NXPE2: variants seen among roughly 807,000 people sequenced by gnomAD.
NXPE2 encodes the protein NXPE family member 2.
Under a neutral mutation model 34.4 loss-of-function variants are expected in NXPE2, and 34 were observed. The ratio of observed to expected loss-of-function variants is 0.99; its 90% confidence interval spans 0.75 to 1.31. The LOEUF is 1.31. Ranked by LOEUF, NXPE2 falls within the 40% of genes most tolerant of loss-of-function variation. NXPE2 has a pLI of 0.00. For missense variants in NXPE2, 649 were observed against 672.5 expected (o/e 0.97, Z 0.39); for synonymous variants, 235 against 231.3 (o/e 1.02, Z -0.15).
At chr11:114,620,869 G>C in the NXPE2 span, among the ~76,000 whole-genome samples, 1 of 152,162 alleles carries the variant, frequency 6.6e-6, no homozygotes, top group Non-Finnish European at 1.5e-5. Flanking sequence ...TTACCCGATG[G>C]ATAATAAGTA....
the NXPE2 span, among the ~76,000 whole-genome samples, chr11:114,597,713 C>T: frequency 6.6e-6 from 1 of 152,030 alleles, no homozygotes; most frequent in Non-Finnish European, 1.5e-5. Context: ...CCTGGAGCAT[C>T]TCGGGGTGCT....
rs367680595 is a variant in NXPE2 at position 114,706,530 on chromosome 11, A to G, written c.1280A>G (p.Asp427Gly). Residue 427 changes from aspartate (D) to glycine (G), a missense_variant, in exon 6 of 6, where the codon GAT becomes GGT. Transcript: ENST00000389586. ...FVTKKLFSVK[D>G]ENYIPREIDQ... ...ACCAAAAAATTATTCTCAGTGAAAG[A>G]TGAAAACTATATCCCACGGGAAATT... 1.3e-6 allele frequency: 2 copies of G among 1,551,774 alleles called. No homozygotes were observed. Among genetic ancestry groups the G allele is most frequent in the African/African-American group, 2.7e-5 (2 of 73,056 alleles).
At chr11:114,486,835 ATTCTG>A in the NXPE2 span, among the ~76,000 whole-genome samples, 1 of 151,950 alleles carries the variant, frequency 6.6e-6, no homozygotes, top group Non-Finnish European at 1.5e-5. Context: ...TGGGTTCTCT[ATTCTG>A]TTCTATTGGT....
chr11:114,598,572 C>T, the NXPE2 span, among the ~76,000 whole-genome samples: 2 of 152,240 alleles, frequency 1.3e-5, no homozygotes, highest in Non-Finnish European at 2.9e-5. Flanking sequence ...TCAACTCTTG[C>T]ACTCTGTGCA....
chr11:114,592,494 A>AT, the NXPE2 span, among the ~76,000 whole-genome samples: 2 of 151,914 alleles, frequency 1.3e-5, no homozygotes, highest in Non-Finnish European at 1.5e-5. Context: ...ACTACAAAAC[A>AT]TTGATGCAAG....
At chr11:114,681,934 A>C (rs1383253866) in intron 2 of NXPE2, among the ~76,000 whole-genome samples, 2 of 152,186 alleles carry the variant, frequency 1.3e-5, no homozygotes, top group Non-Finnish European at 2.9e-5. Flanking sequence ...GATTTTGGAA[A>C]GTTTGTCAAA....
chr11:114,632,373 T>C, the NXPE2 span, among the ~76,000 whole-genome samples: 3 of 133,936 alleles, frequency 2.2e-5, no homozygotes, highest in Non-Finnish European at 3.1e-5. Context: ...ATATTACATA[T>C]AGTTATATAT....
the NXPE2 span, among the ~76,000 whole-genome samples, chr11:114,568,209 A>G: frequency 1.2e-3 from 188 of 152,296 alleles, no homozygotes; most frequent in African/African-American, 4.3e-3. Context: ...CTTAAAAAAA[A>G]TCTCTGGGTC....
chr11:114,772,791 T>C, the NXPE2 span, among the ~76,000 whole-genome samples: 1 of 152,096 alleles, frequency 6.6e-6, no homozygotes. Flanking sequence ...GAGACAGTCA[T>C]CAGACAGAAA....
chr11:114,484,042 G>T, the NXPE2 span, among the ~76,000 whole-genome samples: 1 of 152,100 alleles, frequency 6.6e-6, no homozygotes, highest in Non-Finnish European at 1.5e-5. Flanking sequence ...AATGAAAGAT[G>T]GTTGCTCTTC....
the NXPE2 span, among the ~76,000 whole-genome samples, chr11:114,730,382 G>T: frequency 6.6e-6 from 1 of 151,992 alleles, no homozygotes; most frequent in Admixed American, 6.6e-5. Context: ...TGGCTACTTG[G>T]GCTCTTTCTT....
chr11:114,660,513 C>T, the NXPE2 span, among the ~76,000 whole-genome samples: 1 of 151,592 alleles, frequency 6.6e-6, no homozygotes, highest in East Asian at 1.9e-4. Context: ...GAAGAAAAAC[C>T]CTATGATAAT....
At chr11:114,791,975 A>G in the NXPE2 span, among the ~76,000 whole-genome samples, 147,582 of 152,268 alleles carry the variant, frequency 0.97, 71,692 homozygotes, top group Middle Eastern at 1. Context: ...GGAGAATGTC[A>G]TGAACCCGGG....
the NXPE2 span, among the ~76,000 whole-genome samples, chr11:114,638,313 A>G: frequency 2.0e-5 from 3 of 152,092 alleles, no homozygotes; most frequent in African/African-American, 7.2e-5. Context: ...TTTCAGCTCC[A>G]TCAGCTCCTT....
chr11:114,748,996 G>A, the NXPE2 span, among the ~76,000 whole-genome samples: 20 of 152,218 alleles, frequency 1.3e-4, no homozygotes, highest in East Asian at 2.5e-3. Flanking sequence ...TTCTATGTCC[G>A]TTTGACATAC....
At chr11:114,516,653 G>A in the NXPE2 span, among the ~76,000 whole-genome samples, 5 of 152,038 alleles carry the variant, frequency 3.3e-5, no homozygotes, top group African/African-American at 1.2e-4. Context: ...CTTAACAGAA[G>A]TGCCACATTA....
downstream of NXPE2, among the ~76,000 whole-genome samples, chr11:114,711,918 C>A (rs1272365160): frequency 1.3e-5 from 2 of 152,044 alleles, no homozygotes; most frequent in Non-Finnish European, 2.9e-5. Context: ...ACCAATGGAA[C>A]AGAACAAAAA....
At chr11:114,567,028 CATTGCAGAA>C in the NXPE2 span, among the ~76,000 whole-genome samples, 1 of 152,146 alleles carries the variant, frequency 6.6e-6, no homozygotes, top group Non-Finnish European at 1.5e-5. Flanking sequence ...TTGGGAGGGG[CATTGCAGAA>C]AGAAGGAACT....
the NXPE2 span, among the ~76,000 whole-genome samples, chr11:114,765,254 A>AC: frequency 0.43 from 64,694 of 152,022 alleles, 14,284 homozygotes; most frequent in East Asian, 0.49. Flanking sequence ...ATACAGACAT[A>AC]CTTTTTTTAT....
Sources: allele counts gnomAD v4.1 joint callset (sites outside exome capture counted in the v4.1 genomes callset), GRCh38; gene constraint gnomAD v4.1.1; transcripts MANE v1.5; gene names NCBI Gene and HGNC (gene_info 2026-07-23, HGNC 2026-07-21).